ATP2B2: variants seen among roughly 807,000 people sequenced by gnomAD.
ATP2B2 encodes the protein plasma membrane calcium-transporting ATPase 2.
A neutral mutation model predicts 120.0 loss-of-function variants in ATP2B2; 15 were observed. The observed-to-expected ratio is 0.12, with a 90% CI of 0.08 to 0.19. The LOEUF is 0.19. Ranked by LOEUF, ATP2B2 falls within the 10% of genes least tolerant of loss-of-function variation. The pLI is 1.00. For synonymous variants in ATP2B2, 694 were observed against 700.3 expected (o/e 0.99, Z 0.14); for missense variants, 1,045 against 1,719.8 (o/e 0.61, Z 6.94).
At position 10,513,911 on chromosome 3, in the gene ATP2B2, G is replaced by T. The variant is rs114453915; in HGVS notation, c.-320+20128C>A. On this transcript the variant is annotated intron_variant, in intron 3 of 21. Transcript: ENST00000646379. ...AACCTGGTTTTTTCCCAACCCCCCA[G>T]GGCAGCTGGGTAGGAGGGATGCAGA... is the stretch of plus-strand genomic sequence containing the variant. 3.5e-3 allele frequency among the ~76,000 whole-genome samples: 536 copies of T among 152,222 alleles called. 6 individuals carry two copies. The highest frequency in any genetic ancestry group is 0.012 in the African/African-American group (505 of 41,538).
intron 1 of ATP2B2, among the ~76,000 whole-genome samples, chr3:10,687,482 C>G (rs986552453): frequency 2.6e-5 from 4 of 152,126 alleles, no homozygotes; most frequent in African/African-American, 9.7e-5. Flanking sequence ...CTTCTGGGAA[C>G]AACTTTGGAG....
At chr3:10,438,693 C>A (rs532914834) in intron 2 of ATP2B2, among the ~76,000 whole-genome samples, 1 of 152,324 alleles carries the variant, frequency 6.6e-6, no homozygotes, top group Admixed American at 6.5e-5. Context: ...AATAACTTAC[C>A]CGCCCTGTCT....
intron 2 of ATP2B2, among the ~76,000 whole-genome samples, chr3:10,434,087 TA>T (rs1288134414): frequency 6.6e-6 from 1 of 152,046 alleles, no homozygotes; most frequent in Non-Finnish European, 1.5e-5. Flanking sequence ...GATTCTCAGC[TA>T]GGGGGTGGGG....
rs566966042 is a variant in ATP2B2 at position 10,342,595 on chromosome 3, T to C, written c.2917+157A>G. On this transcript the variant is annotated intron_variant, in intron 19 of 22. Coordinates refer to ENST00000360273, the MANE Select transcript of ATP2B2 (RefSeq NM_001001331.4). The surrounding 1 kb of genome is among the most constrained non-coding windows in gnomAD (Gnocchi z 4.4). Reference sequence around the variant, plus strand: ...CCAGGCCCTGTTCAAGACTTGCTGGTGTGACCTTGGGCAACTTACTTGACC... The same window carrying C: ...CCAGGCCCTGTTCAAGACTTGCTGGCGTGACCTTGGGCAACTTACTTGACC... Among the ~76,000 whole-genome samples, 121 of 152,240 alleles carry C rather than the reference T, an allele frequency of 7.9e-4. No homozygotes were observed. Among genetic ancestry groups the C allele is most frequent in the Admixed American group, 1.2e-3 (18 of 15,300 alleles).
chr3:10,455,279 C>G (rs2064212156), intron 1 of ATP2B2, among the ~76,000 whole-genome samples: 1 of 152,206 alleles, frequency 6.6e-6, no homozygotes, highest in African/African-American at 2.4e-5. Context: ...CCAGTTTCCC[C>G]TCTTTGTAAT....
intron 8 of ATP2B2, among the ~76,000 whole-genome samples, chr3:10,382,197 ATT>A (rs58615119): frequency 0.11 from 13,189 of 122,044 alleles, 627 homozygotes; most frequent in East Asian, 0.31. Flanking sequence ...AGCTAATTAA[ATT>A]TTTTTTTTTT....
chr3:10,329,229 T>G lies in ATP2B2; in HGVS notation c.3421-104A>C, dbSNP rs1574916232. 1 of 1,157,752 alleles carries G rather than the reference T, an allele frequency of 8.6e-7. No homozygotes were observed. The highest frequency in any genetic ancestry group is 1.3e-6 in the Non-Finnish European group (1 of 782,442). The allele number at this position is 1,157,752 out of a possible 1,614,324, so 71.7% of individuals were successfully genotyped here. On this transcript the variant is annotated intron_variant, in intron 22 of 22. Transcript: ENST00000360273. This position sits in a 1 kb window ranked among gnomAD's most constrained non-coding sequence, Gnocchi z 5.9. ...GGGAGAAGGGTTAGGGCAAAGCAGG[T>G]GGCTGGAATCCATAGTCGCTGGGTG...
chr3:10,362,681 C>G (rs1575017577), intron 12 of ATP2B2, among the ~76,000 whole-genome samples: 1 of 152,202 alleles, frequency 6.6e-6, no homozygotes, highest in Non-Finnish European at 1.5e-5. Context: ...CATGGCCATA[C>G]TGACCTAAGG....
Position 10,402,430 on chromosome 3 carries a change from T to C in ATP2B2, c.398-82A>G. ...TGGGCCTGGATTTACAGCTCAGCTC[T>C]GCAAAGTAACAAGTGTTAAGAATCA... On this transcript the variant is annotated intron_variant, in intron 3 of 22. Coordinates refer to ENST00000360273, the MANE Select transcript of ATP2B2 (RefSeq NM_001001331.4). This position sits in a 1 kb window ranked among gnomAD's most constrained non-coding sequence, Gnocchi z 4.9. 1.9e-6 allele frequency: 3 copies of C among 1,571,346 alleles called. No homozygotes were observed. The South Asian group carries it at 3.3e-5, about 17-fold the overall frequency.
At chr3:10,666,781 A>G (rs1372028244) in intron 1 of ATP2B2, among the ~76,000 whole-genome samples, 1 of 152,194 alleles carries the variant, frequency 6.6e-6, no homozygotes, top group African/African-American at 2.4e-5. Context: ...CGGAAGTGGC[A>G]GAGAGGCACG....
intron 3 of ATP2B2, among the ~76,000 whole-genome samples, chr3:10,408,060 C>G (rs2062478412): frequency 6.6e-6 from 1 of 152,200 alleles, no homozygotes. Context: ...TGATTTCAAA[C>G]AAAACTCACT....
chr3:10,470,522 T>G (rs1400109365), intron 1 of ATP2B2, among the ~76,000 whole-genome samples: 7 of 152,142 alleles, frequency 4.6e-5, no homozygotes. Context: ...ATCTCCTCAG[T>G]AACACTGGGG....
At chr3:10,466,174 A>G (rs143584335) in intron 1 of ATP2B2, among the ~76,000 whole-genome samples, 2 of 152,298 alleles carry the variant, frequency 1.3e-5, no homozygotes, top group South Asian at 2.1e-4. Flanking sequence ...GGTGGTCACA[A>G]AGCTTTTTAG....
chr3:10,545,480 G>C (rs2067524851), intron 2 of ATP2B2, among the ~76,000 whole-genome samples: 1 of 151,196 alleles, frequency 6.6e-6, no homozygotes, highest in Admixed American at 6.6e-5. Flanking sequence ...AGTGAGCCAA[G>C]ATCGTGCCTT....
intron 1 of ATP2B2, among the ~76,000 whole-genome samples, chr3:10,632,835 G>A (rs1432190865): frequency 2.0e-5 from 3 of 152,222 alleles, no homozygotes; most frequent in Non-Finnish European, 4.4e-5. Flanking sequence ...TGACAGCCCC[G>A]GAATAGTGAG....
chr3:10,332,302 C>A (rs2060002509), intron 22 of ATP2B2: 1 of 455,412 alleles, frequency 2.2e-6, no homozygotes, highest in Non-Finnish European at 4.0e-6. Context: ...GTACGGCGTC[C>A]AGAATGTGGC....
At chr3:10,389,178 A>G (rs6442169) in intron 5 of ATP2B2, among the ~76,000 whole-genome samples, 112,936 of 152,168 alleles carry the variant, frequency 0.74, 43,714 homozygotes, top group East Asian at 1. Context: ...CTGGAAGTGT[A>G]GCTATGGTGG....
intron 12 of ATP2B2, among the ~76,000 whole-genome samples, chr3:10,370,918 A>G (rs937225662): frequency 6.6e-6 from 1 of 152,194 alleles, no homozygotes; most frequent in Non-Finnish European, 1.5e-5. Context: ...TCTAAACCAG[A>G]TAGGGTTTAC....
chr3:10,467,206 G>A (rs2064783829), intron 1 of ATP2B2, among the ~76,000 whole-genome samples: 1 of 152,210 alleles, frequency 6.6e-6, no homozygotes, highest in African/African-American at 2.4e-5. Context: ...ATCAGACAGA[G>A]TAATATTCTG....
Sources: allele counts gnomAD v4.1 joint callset (sites outside exome capture counted in the v4.1 genomes callset), GRCh38; gene constraint gnomAD v4.1.1; non-coding constraint Gnocchi (gnomAD v3.1); transcripts MANE v1.5; gene names NCBI Gene and HGNC (gene_info 2026-07-23, HGNC 2026-07-21).